The following NRGN variants were observed in gnomAD, a reference collection of about 807,000 sequenced individuals.
NRGN encodes neurogranin.
For missense variants in NRGN, 82 were observed against 123.0 expected (o/e 0.67, Z 1.58); for synonymous variants, 47 against 52.8 (o/e 0.89, Z 0.47).
rs1204412847 is a variant in NRGN at position 124,740,959 on chromosome 11, TTCAG to T, written c.15+864_15+867del. 6.6e-6 allele frequency among the ~76,000 whole-genome samples: 1 copy of T among 152,258 alleles called. No homozygotes were observed. The highest frequency in any genetic ancestry group is 1.5e-5 in the Non-Finnish European group (1 of 68,052). On this transcript the variant is annotated intron_variant, in intron 1 of 3. Transcript: ENST00000284292. The surrounding 1 kb of genome is among the most constrained non-coding windows in gnomAD (Gnocchi z 7.5). ...AAGACTATTCCAAAGTCCTTGTATT[TTCAG>T]TCATTCAGTCAACCAGCTAATGATA... is the stretch of plus-strand genomic sequence containing the variant.
chr11:124,743,957 G>T (rs757674116), intron 1 of NRGN, among the ~76,000 whole-genome samples: 1 of 149,634 alleles, frequency 6.7e-6, no homozygotes, highest in Non-Finnish European at 1.5e-5. Flanking sequence ...GATCAAAGGA[G>T]AAATGTCCTT....
chr11:124,744,399 G>C (rs1234160192), intron 1 of NRGN, among the ~76,000 whole-genome samples: 1 of 152,234 alleles, frequency 6.6e-6, no homozygotes, highest in African/African-American at 2.4e-5. Flanking sequence ...TTAGAGGAAG[G>C]AGCTGAGATA....
chr11:124,746,086 G>C (rs902939537), intron 3 of NRGN, 104 bp downstream of exon 3: 3 of 189,042 alleles, frequency 1.6e-5, no homozygotes, highest in African/African-American at 7.0e-5. Context: ...TCCCAGCCGG[G>C]GAAAATGCAC....
Position 124,745,976 on chromosome 11 carries a change from T to C in NRGN, c.*17T>C, listed in dbSNP as rs1369249824. On this transcript the variant is annotated 3_prime_UTR_variant, in exon 3 of 4. Transcript: ENST00000284292. The surrounding 1 kb of genome is among the most constrained non-coding windows in gnomAD (Gnocchi z 6.4). ...CTGGACCGAAGAAGAACTGAGCATT[T>C]TCAAAGGTAATGAACACGGCCCCTA... 9.0e-6 allele frequency: 3 copies of C among 333,378 alleles called. No individual in the cohort carries two copies. The highest frequency in any genetic ancestry group is 1.6e-5 in the Non-Finnish European group (3 of 184,364). 20.7% of individuals were successfully genotyped at this position (333,378 alleles called of 1,614,324 possible). A position where few individuals can be genotyped will look rare whatever the true frequency, so the allele number is the denominator to read the frequency against.
In NRGN at chr11:124,740,007, C is replaced by A; in HGVS notation, c.-78C>A. 4 of 628,012 alleles carry A rather than the reference C, an allele frequency of 6.4e-6. No individual in the cohort carries two copies. Among genetic ancestry groups the A allele is most frequent in the Non-Finnish European group, 4.9e-6 (2 of 404,140 alleles). The allele number at this position is 628,012 out of a possible 1,614,324, so 38.9% of individuals were successfully genotyped here. A position where few individuals can be genotyped will look rare whatever the true frequency, so the allele number is the denominator to read the frequency against. On this transcript the variant is annotated 5_prime_UTR_variant, in exon 1 of 4. Coordinates refer to ENST00000284292, the MANE Select transcript of NRGN (RefSeq NM_006176.3). The surrounding 1 kb of genome is among the most constrained non-coding windows in gnomAD (Gnocchi z 7.5). Reference sequence around the variant, plus strand: ...CGGCTGGCGGCCGACTGCCCCAGAGCCCCCACCCGGCACCACACAGACCCC... The same window carrying A: ...CGGCTGGCGGCCGACTGCCCCAGAGACCCCACCCGGCACCACACAGACCCC...
intron 3 of NRGN, 132 bp from the exon 4 acceptor site, chr11:124,746,272 G>A (rs1944009488): frequency 6.6e-6 from 1 of 152,606 alleles, no homozygotes; most frequent in African/African-American, 2.4e-5. Context: ...CTTTGACTCG[G>A]GGTGGGGGTT....
In NRGN at chr11:124,745,402, C is replaced by G. The variant is rs1472950967; in HGVS notation, c.16-101C>G. 2 of 765,030 alleles carry G rather than the reference C, an allele frequency of 2.6e-6. No homozygotes were observed. Among genetic ancestry groups the G allele is most frequent in the African/African-American group, 1.8e-5 (1 of 54,508 alleles). The allele number at this position is 765,030 out of a possible 1,614,324, so 47.4% of individuals were successfully genotyped here. On this transcript the variant is annotated intron_variant, in intron 1 of 3. Coordinates refer to ENST00000284292, the MANE Select transcript of NRGN (RefSeq NM_006176.3). The surrounding 1 kb of genome is among the most constrained non-coding windows in gnomAD (Gnocchi z 6.4). ...ACACCCCTCTCTGTACCTCCCACCC[C>G]CGCGTCGCCATAGTCCCTGTCCCTC...
rs759920242 is a variant in NRGN, at chr11:124,745,545, C to A, written c.58C>A (p.Pro20Thr). The change falls in exon 2 of 4, where the codon CCG (proline) becomes ACG (threonine). Residue 20 changes from proline (P) to threonine (T), a missense_variant. Transcript: ENST00000284292. The surrounding 1 kb of genome is among the most constrained non-coding windows in gnomAD (Gnocchi z 6.4). ...GCCGGACGACGACATTCTAGACATC[C>A]CGCTGGACGATCCCGGCGCCAACGC... ...SKPDDDILDI[P>T]LDDPGANAAA... The A allele has an allele frequency of 2.7e-5, 44 of 1,605,814 alleles. No individual in the cohort carries two copies. Among genetic ancestry groups the A allele is most frequent in the Non-Finnish European group, 3.7e-5 (43 of 1,177,304 alleles).
rs1944006165 is a variant in NRGN at position 124,745,925 on chromosome 11, C to T, written c.*6-40C>T. 2.7e-6 allele frequency: 1 copy of T among 373,162 alleles called. No homozygotes were observed. Among genetic ancestry groups the T allele is most frequent in the South Asian group, 1.2e-4 (1 of 8,684 alleles). The allele number at this position is 373,162 out of a possible 1,614,324, so 23.1% of individuals were successfully genotyped here. ...ATTCCAGGAGCTCACCTGTTTCTCC[C>T]TCTGCATCCTCCCTTCTGCCCCGCC... On this transcript the variant is annotated intron_variant, in intron 2 of 3. Coordinates refer to ENST00000284292, the MANE Select transcript of NRGN (RefSeq NM_006176.3). This position sits in a 1 kb window ranked among gnomAD's most constrained non-coding sequence, Gnocchi z 6.4.
Position 124,740,312 on chromosome 11 carries a change from G to C in NRGN, c.15+213G>C, listed in dbSNP as rs1201661250. 6.6e-6 allele frequency among the ~76,000 whole-genome samples: 1 copy of C among 152,252 alleles called. No homozygotes were observed. The highest frequency in any genetic ancestry group is 1.9e-4 in the East Asian group (1 of 5,194). On this transcript the variant is annotated intron_variant, in intron 1 of 3. Coordinates refer to ENST00000284292, the MANE Select transcript of NRGN (RefSeq NM_006176.3). The surrounding 1 kb of genome is among the most constrained non-coding windows in gnomAD (Gnocchi z 7.5). ...GAAAAATGCTCCTCAACTCGCGGGG[G>C]CGTCTGAGCGCCCATCCGTTAGACA...
rs375883537 is a variant in NRGN, at chr11:124,740,096, C to T, written c.12C>T (p.Cys4=). 6.1e-5 allele frequency: 83 copies of T among 1,351,408 alleles called. No homozygotes were observed. Among genetic ancestry groups the T allele is most frequent in the Non-Finnish European group, 7.8e-5 (82 of 1,046,204 alleles). 83.7% of individuals were successfully genotyped at this position (1,351,408 alleles called of 1,614,324 possible). A position where few individuals can be genotyped will look rare whatever the true frequency, so the allele number is the denominator to read the frequency against. Reference sequence around the variant, plus strand: ...CCCCCGACACCAGCATGGACTGCTGCACCGTAAGTTAGAGGGCCCGGGGGA... The same window carrying T: ...CCCCCGACACCAGCATGGACTGCTGTACCGTAAGTTAGAGGGCCCGGGGGA... MDC[C]TENACSKPDD... The change falls in exon 1 of 4, where the codon TGC becomes TGT. Residue 4 remains cysteine, a synonymous_variant. Transcript: ENST00000284292. The surrounding 1 kb of genome is among the most constrained non-coding windows in gnomAD (Gnocchi z 7.5).
At position 124,740,005 on chromosome 11, in the gene NRGN, A is replaced by T; in HGVS notation, c.-80A>T. ...GTCGGCTGGCGGCCGACTGCCCCAGAGCCCCCACCCGGCACCACACAGACC... is the reference window on the plus strand; with the variant it reads ...GTCGGCTGGCGGCCGACTGCCCCAGTGCCCCCACCCGGCACCACACAGACC... On this transcript the variant is annotated 5_prime_UTR_variant, in exon 1 of 4. Transcript: ENST00000284292. This position sits in a 1 kb window ranked among gnomAD's most constrained non-coding sequence, Gnocchi z 7.5. 1 of 612,240 alleles carries T rather than the reference A, an allele frequency of 1.6e-6. No individual in the cohort carries two copies. Among genetic ancestry groups the T allele is most frequent in the Non-Finnish European group, 2.6e-6 (1 of 389,888 alleles). 37.9% of individuals were successfully genotyped at this position (612,240 alleles called of 1,614,324 possible).
Position 124,741,248 on chromosome 11 carries a change from A to G in NRGN, c.15+1149A>G, listed in dbSNP as rs529844734. On this transcript the variant is annotated intron_variant, in intron 1 of 3. Transcript: ENST00000284292. ...ATAGCAACAACCCTGTGAAGTAGGTATTATTTCACAGATGTGCCAACTGAG... is the reference window on the plus strand; with the variant it reads ...ATAGCAACAACCCTGTGAAGTAGGTGTTATTTCACAGATGTGCCAACTGAG... Among the ~76,000 whole-genome samples, 3 of 152,306 alleles carry G rather than the reference A, an allele frequency of 2.0e-5. No homozygotes were observed. The South Asian group carries it at 6.2e-4, about 32-fold the overall frequency.
At chr11:124,743,450 G>C (rs1327445155) in intron 1 of NRGN, among the ~76,000 whole-genome samples, 1 of 152,180 alleles carries the variant, frequency 6.6e-6, no homozygotes, top group Non-Finnish European at 1.5e-5. Context: ...ACATTCCAAA[G>C]GAGTCTTTTC....
chr11:124,745,562 C>T lies in NRGN; in HGVS notation c.75C>T (p.Gly25=). Residue 25 remains glycine (G), a synonymous_variant, in exon 2 of 4, where the codon GGC becomes GGT. Transcript: ENST00000284292. This position sits in a 1 kb window ranked among gnomAD's most constrained non-coding sequence, Gnocchi z 6.4. ...DILDIPLDDP[G]ANAAAAKIQA... ...TAGACATCCCGCTGGACGATCCCGG[C>T]GCCAACGCGGCCGCCGCCAAAATCC... 1 of 1,605,820 alleles carries T rather than the reference C, an allele frequency of 6.2e-7. No homozygotes were observed. Among genetic ancestry groups the T allele is most frequent in the Non-Finnish European group, 8.5e-7 (1 of 1,177,384 alleles).
In NRGN at chr11:124,739,995, A is replaced by G. The variant is rs1208197273; in HGVS notation, c.-90A>G. On this transcript the variant is annotated 5_prime_UTR_variant, in exon 1 of 4. Coordinates refer to ENST00000284292, the MANE Select transcript of NRGN (RefSeq NM_006176.3). ...TTCGGCGCGGGTCGGCTGGCGGCCGACTGCCCCAGAGCCCCCACCCGGCAC... is the reference window on the plus strand; with the variant it reads ...TTCGGCGCGGGTCGGCTGGCGGCCGGCTGCCCCAGAGCCCCCACCCGGCAC... 5 of 561,278 alleles carry G rather than the reference A, an allele frequency of 8.9e-6. No homozygotes were observed. The highest frequency in any genetic ancestry group is 3.4e-5 in the East Asian group (1 of 29,290). 34.8% of individuals were successfully genotyped at this position (561,278 alleles called of 1,614,324 possible).
chr11:124,745,445 C>T lies in NRGN; in HGVS notation c.16-58C>T. ...TGTCCCTCAGGGCTCTATTCCTACC[C>T]CACTCCCGCGGATCAAGACCCAGTG... On this transcript the variant is annotated intron_variant, in intron 1 of 3. Transcript: ENST00000284292. The surrounding 1 kb of genome is among the most constrained non-coding windows in gnomAD (Gnocchi z 6.4). The T allele has an allele frequency of 7.5e-7, 1 of 1,339,418 alleles. No individual in the cohort carries two copies. The highest frequency in any genetic ancestry group is 1.0e-6 in the Non-Finnish European group (1 of 987,034). 83.0% of individuals were successfully genotyped at this position (1,339,418 alleles called of 1,614,324 possible). A position where few individuals can be genotyped will look rare whatever the true frequency, so the allele number is the denominator to read the frequency against.
At position 124,742,896 on chromosome 11, in the gene NRGN, T is replaced by A. The variant is rs564042061; in HGVS notation, c.16-2607T>A. 2.0e-5 allele frequency among the ~76,000 whole-genome samples: 3 copies of A among 152,320 alleles called. No homozygotes were observed. The East Asian group carries it at 5.8e-4, about 29-fold the overall frequency. ...CTGAAGAAAATGAGACTCTCAGAGA[T>A]GAAGTGATGTGCCCAGTTGGGACTA... On this transcript the variant is annotated intron_variant, in intron 1 of 3. Transcript: ENST00000284292.
Position 124,746,437 on chromosome 11 carries a change from G to C in NRGN, c.*57G>C, listed in dbSNP as rs149284924. On this transcript the variant is annotated 3_prime_UTR_variant, in exon 4 of 4. Coordinates refer to ENST00000284292, the MANE Select transcript of NRGN (RefSeq NM_006176.3). Reference sequence around the variant, plus strand: ...GAGAGATGGATGCCGCGTCCCCTTCGCAGCGACGAGACTTCCCTGCCGTGT... The same window carrying C: ...GAGAGATGGATGCCGCGTCCCCTTCCCAGCGACGAGACTTCCCTGCCGTGT... 6.5e-6 allele frequency: 1 copy of C among 152,674 alleles called. No homozygotes were observed. Among genetic ancestry groups the C allele is most frequent in the East Asian group, 1.9e-4 (1 of 5,180 alleles). 9.5% of individuals were successfully genotyped at this position (152,674 alleles called of 1,614,324 possible).
Sources: allele counts gnomAD v4.1 joint callset (sites outside exome capture counted in the v4.1 genomes callset), GRCh38; gene constraint gnomAD v4.1.1; non-coding constraint Gnocchi (gnomAD v3.1); transcripts MANE v1.5; gene names NCBI Gene and HGNC (gene_info 2026-07-23, HGNC 2026-07-21).